The following ISLR variants were observed in gnomAD, a reference collection of about 807,000 sequenced individuals.
The protein encoded by ISLR is immunoglobulin superfamily containing leucine rich repeat.
ISLR carries 9 observed loss-of-function variants against 11.0 expected under a neutral mutation model. The ratio of observed to expected loss-of-function variants is 0.82; its 90% CI spans 0.49 to 1.43. The LOEUF (loss-of-function observed/expected upper bound fraction) is 1.43, where lower values mean the gene tolerates loss of function less well. Among genes scored for constraint, ISLR ranks in the 40% most tolerant of loss-of-function variants. ISLR has a pLI of 0.00. For missense variants in ISLR, 510 were observed against 576.4 expected (o/e 0.88, Z 1.18); for synonymous variants, 262 against 264.1 (o/e 0.99, Z 0.08).
chr15:74,175,508 A>G lies in ISLR; in HGVS notation c.650A>G (p.Lys217Arg), dbSNP rs1336514379. 1 of 1,610,268 alleles carries G rather than the reference A, an allele frequency of 6.2e-7. No individual in the cohort carries two copies. The highest frequency in any genetic ancestry group is 8.5e-7 in the Non-Finnish European group (1 of 1,179,848). ...NIACTSPHVL[K>R]GTPLSRLPPL... Reference sequence around the variant, plus strand: ...GCCTGCACCTCACCCCATGTGCTCAAGGGTACGCCGCTGAGCCGCCTGCCG... The same window carrying G: ...GCCTGCACCTCACCCCATGTGCTCAGGGGTACGCCGCTGAGCCGCCTGCCG... The change falls in exon 2 of 2, where the codon AAG becomes AGG. Residue 217 changes from lysine (K) to arginine (R), a missense_variant. Lys to Arg is a conservative substitution (Grantham distance 26). Coordinates refer to ENST00000249842, the MANE Select transcript of ISLR (RefSeq NM_005545.4). The surrounding 1 kb of genome is among the most constrained non-coding windows in gnomAD (Gnocchi z 4.7).
chr15:74,175,960 G>A lies in ISLR; in HGVS notation c.1102G>A (p.Gly368Ser). The stretch of plus-strand genomic sequence containing the variant: ...CCATGGCAAAGCGGTTGAGGGAAAG[G>A]GCTGCTATACGGTTGACAACGAGGT... ...RFHGKAVEGK[G>S]CYTVDNEVQP... The change falls in exon 2 of 2, where the codon GGC (glycine) becomes AGC (serine). Residue 368 changes from glycine (G) to serine (S), a missense_variant. Transcript: ENST00000249842. The surrounding 1 kb of genome is among the most constrained non-coding windows in gnomAD (Gnocchi z 4.7). 1.2e-6 allele frequency: 2 copies of A among 1,611,266 alleles called. No individual in the cohort carries two copies. Among genetic ancestry groups the A allele is most frequent in the South Asian group, 2.2e-5 (2 of 90,796 alleles).
chr15:74,175,929 C>T lies in ISLR; in HGVS notation c.1071C>T (p.Arg357=), dbSNP rs1255209041. 2.5e-6 allele frequency: 4 copies of T among 1,611,092 alleles called. No individual in the cohort carries two copies. The highest frequency in any genetic ancestry group is 3.3e-5 in the Admixed American group (2 of 59,876). ...AGGGTGGTGAGGACACACTGGGGCGCAGGTTCCATGGCAAAGCGGTTGAGG... is the reference window on the plus strand; with the variant it reads ...AGGGTGGTGAGGACACACTGGGGCGTAGGTTCCATGGCAAAGCGGTTGAGG... ...PGEGGEDTLG[R]RFHGKAVEGK... is the part of the protein sequence containing the mutation. The change falls in exon 2 of 2, where the codon CGC becomes CGT. Residue 357 remains arginine (R), a synonymous_variant. Coordinates refer to ENST00000249842, the MANE Select transcript of ISLR (RefSeq NM_005545.4). The surrounding 1 kb of genome is among the most constrained non-coding windows in gnomAD (Gnocchi z 4.7).
Position 74,175,905 on chromosome 15 carries a change from G to C in ISLR, c.1047G>C (p.Glu349Asp). ...SVDVALATPG[E>D]GGEDTLGRRF... Reference sequence around the variant, plus strand: ...ACGTGGCACTGGCCACGCCCGGTGAGGGTGGTGAGGACACACTGGGGCGCA... The same window carrying C: ...ACGTGGCACTGGCCACGCCCGGTGACGGTGGTGAGGACACACTGGGGCGCA... The change falls in exon 2 of 2, where the codon GAG becomes GAC. Residue 349 changes from glutamate to aspartate, a missense_variant. Glu to Asp is a conservative substitution (Grantham distance 45). Transcript: ENST00000249842. This position sits in a 1 kb window ranked among gnomAD's most constrained non-coding sequence, Gnocchi z 4.7. 1 of 1,613,402 alleles carries C rather than the reference G, an allele frequency of 6.2e-7. No homozygotes were observed. The highest frequency in any genetic ancestry group is 8.5e-7 in the Non-Finnish European group (1 of 1,179,510).
rs2141983689 is a variant in ISLR at position 74,175,716 on chromosome 15, C to A, written c.858C>A (p.Gly286=). 6.2e-7 allele frequency: 1 copy of A among 1,614,000 alleles called. No individual in the cohort carries two copies. Among genetic ancestry groups the A allele is most frequent in the South Asian group, 1.1e-5 (1 of 91,062 alleles). ...GIVEITSPNV[G]TDGRALPGTP... ...TGGAGATCACCAGCCCCAACGTGGGCACTGATGGGCGTGCCCTGCCTGGCA... is the reference window on the plus strand; with the variant it reads ...TGGAGATCACCAGCCCCAACGTGGGAACTGATGGGCGTGCCCTGCCTGGCA... Residue 286 remains glycine, a synonymous_variant, in exon 2 of 2, where the codon GGC becomes GGA. Transcript: ENST00000249842. The surrounding 1 kb of genome is among the most constrained non-coding windows in gnomAD (Gnocchi z 4.7).
chr15:74,174,364 G>A (rs537972047), intron 1 of ISLR: 80 of 155,734 alleles, frequency 5.1e-4, no homozygotes, highest in African/African-American at 1.8e-3. Context: ...CCGGAGGAGC[G>A]GGAGAGGGCG....
chr15:74,175,985 T>A lies in ISLR; in HGVS notation c.1127T>A (p.Val376Glu). ...GGCTGCTATACGGTTGACAACGAGGTGCAGCCATCAGGGCCGGAGGACAAT... is the reference window on the plus strand; with the variant it reads ...GGCTGCTATACGGTTGACAACGAGGAGCAGCCATCAGGGCCGGAGGACAAT... ...GKGCYTVDNE[V>E]QPSGPEDNVV... is the part of the protein sequence containing the mutation. Residue 376 changes from valine to glutamate, a missense_variant, in exon 2 of 2, where the codon GTG becomes GAG. Coordinates refer to ENST00000249842, the MANE Select transcript of ISLR (RefSeq NM_005545.4). The surrounding 1 kb of genome is among the most constrained non-coding windows in gnomAD (Gnocchi z 4.7). 6.2e-7 allele frequency: 1 copy of A among 1,612,188 alleles called. No homozygotes were observed. The highest frequency in any genetic ancestry group is 8.5e-7 in the Non-Finnish European group (1 of 1,178,692).
chr15:74,176,039 G>C lies in ISLR; in HGVS notation c.1181G>C (p.Gly394Ala). The C allele has an allele frequency of 6.2e-7, 1 of 1,612,758 alleles. No homozygotes were observed. The highest frequency in any genetic ancestry group is 8.5e-7 in the Non-Finnish European group (1 of 1,179,196). Residue 394 changes from glycine to alanine, a missense_variant, in exon 2 of 2, where the codon GGG becomes GCG. Physicochemically the swap from Gly to Ala is moderately conservative, Grantham distance 60. Coordinates refer to ENST00000249842, the MANE Select transcript of ISLR (RefSeq NM_005545.4). ...GTCATCATCTACCTCAGCCGTGCTG[G>C]GAACCCTGAGGCTGCAGTCGCAGAA... ...NVVIIYLSRA[G>A]NPEAAVAEGV...
Position 74,175,710 on chromosome 15 carries a change from C to A in ISLR, c.852C>A (p.Asn284Lys). ...PSGIVEITSP[N>K]VGTDGRALPG... is the part of the protein sequence containing the mutation. ...GCATTGTGGAGATCACCAGCCCCAA[C>A]GTGGGCACTGATGGGCGTGCCCTGC... Residue 284 changes from asparagine to lysine, a missense_variant, in exon 2 of 2, where the codon AAC becomes AAA. Coordinates refer to ENST00000249842, the MANE Select transcript of ISLR (RefSeq NM_005545.4). This position sits in a 1 kb window ranked among gnomAD's most constrained non-coding sequence, Gnocchi z 4.7. 1 of 1,614,080 alleles carries A rather than the reference C, an allele frequency of 6.2e-7. No homozygotes were observed. The highest frequency in any genetic ancestry group is 2.2e-5 in the East Asian group (1 of 44,878).
intron 1 of ISLR, chr15:74,174,623 G>A (rs367811973): frequency 2.2e-4 from 102 of 463,384 alleles, no homozygotes; most frequent in African/African-American, 1.8e-3. Flanking sequence ...CTTCCATCCC[G>A]TCTTCATCCT....
chr15:74,174,174 A>G (rs958285736), intron 1 of ISLR, 155 bp downstream of exon 1: 2 of 152,354 alleles, frequency 1.3e-5, no homozygotes, highest in African/African-American at 4.8e-5. Flanking sequence ...TGCTTCTTCC[A>G]CAACCCACAA....
chr15:74,175,218 C>T lies in ISLR; in HGVS notation c.360C>T (p.Asn120=), dbSNP rs777665932. The T allele has an allele frequency of 3.2e-5, 51 of 1,613,404 alleles. No homozygotes were observed. In the Admixed American group the frequency reaches 8.5e-4, roughly 27 times the overall value. ...ACTTTGCCTGGAGCGACCTGCACAACCTCAGTGCCCTCCAATTGCTCAAGA... is the reference window on the plus strand; with the variant it reads ...ACTTTGCCTGGAGCGACCTGCACAATCTCAGTGCCCTCCAATTGCTCAAGA... The part of the protein sequence containing the change: ...ISDFAWSDLH[N]LSALQLLKMD... Residue 120 remains asparagine (N), a synonymous_variant, in exon 2 of 2, where the codon AAC becomes AAT. Coordinates refer to ENST00000249842, the MANE Select transcript of ISLR (RefSeq NM_005545.4). This position sits in a 1 kb window ranked among gnomAD's most constrained non-coding sequence, Gnocchi z 4.7.
At chr15:74,174,769 G>C (rs1173855045) in intron 1 of ISLR, 82 bp from the exon 2 acceptor site, 1 of 1,123,312 alleles carries the variant, frequency 8.9e-7, no homozygotes, top group Non-Finnish European at 1.2e-6. Context: ...TGATGGGAAA[G>C]AGCTCTGGCT....
rs765765449 is a variant in ISLR at position 74,176,032 on chromosome 15, C to G, written c.1174C>G (p.Arg392Gly). 6.2e-7 allele frequency: 1 copy of G among 1,613,022 alleles called. No homozygotes were observed. The highest frequency in any genetic ancestry group is 2.2e-5 in the East Asian group (1 of 44,862). ...EDNVVIIYLS[R>G]AGNPEAAVAE... ...CAATGTGGTCATCATCTACCTCAGCCGTGCTGGGAACCCTGAGGCTGCAGT... is the reference window on the plus strand; with the variant it reads ...CAATGTGGTCATCATCTACCTCAGCGGTGCTGGGAACCCTGAGGCTGCAGT... Residue 392 changes from arginine (R) to glycine (G), a missense_variant, in exon 2 of 2, where the codon CGT becomes GGT. By Grantham distance (125) the Arg-to-Gly change is moderately radical. Transcript: ENST00000249842.
chr15:74,174,838 C>T lies in ISLR; in HGVS notation c.-8-13C>T, dbSNP rs774920032. 1 of 1,507,294 alleles carries T rather than the reference C, an allele frequency of 6.6e-7. No homozygotes were observed. Among genetic ancestry groups the T allele is most frequent in the Non-Finnish European group, 8.8e-7 (1 of 1,132,196 alleles). The allele number at this position is 1,507,294 out of a possible 1,614,324, so 93.4% of individuals were successfully genotyped here. A position where few individuals can be genotyped will look rare whatever the true frequency, so the allele number is the denominator to read the frequency against. ...TTCTCGGGATCCCCTGGGTGACATG[C>T]CTTTCTCTGCAGGAGGCACCATGCA... On this transcript the variant is annotated splice_polypyrimidine_tract_variant and intron_variant, in intron 1 of 1. Coordinates refer to ENST00000249842, the MANE Select transcript of ISLR (RefSeq NM_005545.4).
rs754322477 is a variant in ISLR at position 74,174,927 on chromosome 15, C to G, written c.69C>G (p.Cys23Trp). The G allele has an allele frequency of 6.2e-7, 1 of 1,601,340 alleles. No homozygotes were observed. The change falls in exon 2 of 2, where the codon TGC becomes TGG. Residue 23 changes from cysteine to tryptophan, a missense_variant. Cys to Trp is a radical substitution (Grantham distance 215). Coordinates refer to ENST00000249842, the MANE Select transcript of ISLR (RefSeq NM_005545.4). ...LGLAQACPEPCDCGEKYGFQI... is the reference protein window; with the variant it reads ...LGLAQACPEPWDCGEKYGFQI... ...TGGCTCAGGCCTGCCCTGAGCCCTG[C>G]GACTGTGGGGAAAAGTATGGCTTCC...
Position 74,175,102 on chromosome 15 carries a change from G to GCA in ISLR, c.249_250dup (p.Asn84ThrfsTer15), listed in dbSNP as rs781492433. 6.2e-7 allele frequency: 1 copy of GCA among 1,611,382 alleles called. No homozygotes were observed. The highest frequency in any genetic ancestry group is 1.7e-5 in the Admixed American group (1 of 60,002). ...GCCCCTGCTGCAGTCGCTGTGGCTGGCACACAATGAGATCCGCACGGTGGC... is the reference window on the plus strand; with the variant it reads ...GCCCCTGCTGCAGTCGCTGTGGCTGGCACACACAATGAGATCCGCACGGTGGC... On this transcript the variant is annotated frameshift_variant, in exon 2 of 2. Transcript: ENST00000249842. LOFTEE classifies it high-confidence loss of function. This position sits in a 1 kb window ranked among gnomAD's most constrained non-coding sequence, Gnocchi z 4.7.
rs550023811 is a variant in ISLR, at chr15:74,174,694, G to A, written c.-8-157G>A. The A allele has an allele frequency of 1.1e-5, 6 of 546,774 alleles. No individual in the cohort carries two copies. In the South Asian group the frequency reaches 1.7e-4, roughly 16 times the overall value. 33.9% of individuals were successfully genotyped at this position (546,774 alleles called of 1,614,324 possible). A position where few individuals can be genotyped will look rare whatever the true frequency, so the allele number is the denominator to read the frequency against. On this transcript the variant is annotated intron_variant, in intron 1 of 1. Transcript: ENST00000249842. ...TCTCTTGGCCTCAGTTTCTCCTTCC[G>A]TAGGATGGGGGCGGTGGGCTAGGTG...
chr15:74,175,690 G>T lies in ISLR; in HGVS notation c.832G>T (p.Val278Leu). 1 of 1,614,154 alleles carries T rather than the reference G, an allele frequency of 6.2e-7. No individual in the cohort carries two copies. Among genetic ancestry groups the T allele is most frequent in the South Asian group, 1.1e-5 (1 of 91,084 alleles). ...GCACATCCAGATACCCAGTGGCATTGTGGAGATCACCAGCCCCAACGTGGG... is the reference window on the plus strand; with the variant it reads ...GCACATCCAGATACCCAGTGGCATTTTGGAGATCACCAGCCCCAACGTGGG... ...HWHIQIPSGI[V>L]EITSPNVGTD... Residue 278 changes from valine to leucine, a missense_variant, in exon 2 of 2, where the codon GTG becomes TTG. Coordinates refer to ENST00000249842, the MANE Select transcript of ISLR (RefSeq NM_005545.4). This position sits in a 1 kb window ranked among gnomAD's most constrained non-coding sequence, Gnocchi z 4.7.
At chr15:74,174,749 C>A in intron 1 of ISLR, 102 bp from the exon 2 acceptor site, 1 of 878,912 alleles carries the variant, frequency 1.1e-6, no homozygotes, top group Non-Finnish European at 1.7e-6. Flanking sequence ...TTATGTGGGA[C>A]AGGGCCTCCT....
Sources: gnomAD v4.1 joint callset for allele counts on GRCh38, gnomAD v4.1.1 for gene constraint, Gnocchi (gnomAD v3.1) non-coding constraint, MANE v1.5 for transcripts, NCBI Gene and HGNC (gene_info 2026-07-23, HGNC 2026-07-21) for gene names.